MACROD2: variants seen among roughly 807,000 people sequenced by gnomAD.
The protein encoded by MACROD2 is mono-ADP ribosylhydrolase 2, also known as ADP-ribose glycohydrolase MACROD2.
MACROD2 carries 36 observed loss-of-function variants against 70.4 expected under a neutral mutation model. The ratio of observed to expected loss-of-function variants is 0.51; its 90% CI spans 0.39 to 0.68. The LOEUF (loss-of-function observed/expected upper bound fraction) is 0.68. MACROD2 is among the 30% of genes least tolerant of loss of function. The pLI, the probability that MACROD2 is intolerant of heterozygous loss-of-function variation, is 0.00. For synonymous variants in MACROD2, 172 were observed against 178.8 expected (o/e 0.96, Z 0.30); for missense variants, 496 against 538.4 (o/e 0.92, Z 0.78).
At chr20:14,700,522 G>GGTGTGTGTGT (rs149689043) in intron 5 of MACROD2, among the ~76,000 whole-genome samples, 3 of 111,376 alleles carry the variant, frequency 2.7e-5, no homozygotes, top group African/African-American at 9.6e-5. Flanking sequence ...GACATATGGT[G>GGTGTGTGTGT]GTGTGTGTGT....
intron 8 of MACROD2, among the ~76,000 whole-genome samples, chr20:15,753,202 C>T (rs6110769): frequency 6.6e-6 from 1 of 152,064 alleles, no homozygotes; most frequent in African/African-American, 2.4e-5. Context: ...ATGATGCTGA[C>T]GTCTGGGATA....
chr20:14,219,332 G>A (rs1258448836), intron 3 of MACROD2, among the ~76,000 whole-genome samples: 3 of 151,816 alleles, frequency 2.0e-5, no homozygotes, highest in African/African-American at 4.8e-5. Context: ...ATATTGCTGA[G>A]ACCTTCCAGA....
chr20:15,754,209 T>C (rs927930873), intron 8 of MACROD2, among the ~76,000 whole-genome samples: 3 of 152,264 alleles, frequency 2.0e-5, no homozygotes, highest in Admixed American at 2.0e-4. Flanking sequence ...TTTCTCTACA[T>C]GACTCCCAAC....
At chr20:15,268,502 A>C (rs980948186) in intron 6 of MACROD2, among the ~76,000 whole-genome samples, 1 of 152,146 alleles carries the variant, frequency 6.6e-6, no homozygotes, top group Non-Finnish European at 1.5e-5. Context: ...AATATTTTAA[A>C]AATTAGCCAG....
At chr20:14,706,279 A>G (rs905991686) in intron 5 of MACROD2, among the ~76,000 whole-genome samples, 1 of 151,540 alleles carries the variant, frequency 6.6e-6, no homozygotes, top group Middle Eastern at 3.4e-3. Flanking sequence ...ATGCCACTGC[A>G]CTCCAGCCTG....
Position 15,794,075 on chromosome 20 carries a change from C to T in MACROD2, c.646-68670C>T, listed in dbSNP as rs192250466. On this transcript the variant is annotated intron_variant, in intron 8 of 17. Transcript: ENST00000684519. ...TAAGATGACAGACAACATGGCAAAT[C>T]CTTAAGGAAGACTCCTGGCATTGGG... is the stretch of plus-strand genomic sequence containing the variant. 1.6e-3 allele frequency among the ~76,000 whole-genome samples: 249 copies of T among 151,764 alleles called. 1 individual carries two copies. The highest frequency in any genetic ancestry group is 5.6e-3 in the African/African-American group (233 of 41,474).
chr20:15,900,038 C>T (rs374902172), intron 10 of MACROD2, among the ~76,000 whole-genome samples: 1 of 152,030 alleles, frequency 6.6e-6, no homozygotes, highest in Non-Finnish European at 1.5e-5. Flanking sequence ...ATTAAAGTAT[C>T]GTGTGACATG....
chr20:14,842,842 A>G lies in MACROD2; in HGVS notation c.418+157883A>G, dbSNP rs1241708196. Among the ~76,000 whole-genome samples the G allele has an allele frequency of 3.3e-5, 5 of 152,136 alleles. No homozygotes were observed. The East Asian group carries it at 7.7e-4, about 23-fold the overall frequency. ...GTGAAACAACAGAGTCCAATATTCA[A>G]TCAGAAAAGAAAATGAACTCTAGGA... On this transcript the variant is annotated intron_variant, in intron 5 of 17. Transcript: ENST00000684519.
At chr20:15,499,681 T>G in intron 7 of MACROD2, 93 bp from the exon 8 acceptor site, 1 of 1,126,854 alleles carries the variant, frequency 8.9e-7, no homozygotes, top group Non-Finnish European at 1.3e-6. Context: ...TGAATGTTGT[T>G]TAAATGAGAA....
At chr20:15,346,875 A>G (rs888635301) in intron 6 of MACROD2, among the ~76,000 whole-genome samples, 3 of 152,250 alleles carry the variant, frequency 2.0e-5, no homozygotes, top group African/African-American at 7.2e-5. Flanking sequence ...GGAGATTCCA[A>G]TGGGAGTATA....
intron 5 of MACROD2, among the ~76,000 whole-genome samples, chr20:14,779,392 C>T (rs891340637): frequency 6.6e-6 from 1 of 152,076 alleles, no homozygotes; most frequent in Non-Finnish European, 1.5e-5. Context: ...GATATATTCA[C>T]GAGCTAATCA....
At chr20:15,932,415 T>C (rs2065594633) in intron 10 of MACROD2, among the ~76,000 whole-genome samples, 1 of 152,170 alleles carries the variant, frequency 6.6e-6, no homozygotes, top group South Asian at 2.1e-4. Flanking sequence ...TGGGCTCCAC[T>C]CCTTCAGAGA....
intron 5 of MACROD2, among the ~76,000 whole-genome samples, chr20:14,698,212 T>C (rs903481867): frequency 3.3e-5 from 5 of 152,172 alleles, no homozygotes; most frequent in African/African-American, 1.2e-4. Context: ...ATGGTTTTGG[T>C]CTTCCCGTCT....
rs113022657 is a variant in MACROD2 at position 14,987,848 on chromosome 20, G to GATAT, written c.419-242080_419-242077dup. 5.0e-4 allele frequency among the ~76,000 whole-genome samples: 76 copies of GATAT among 150,814 alleles called. 1 individual carries two copies. The highest frequency in any genetic ancestry group is 1.6e-3 in the African/African-American group (65 of 41,072). On this transcript the variant is annotated intron_variant, in intron 5 of 17. Transcript: ENST00000684519. ...GATTCATTCATATGTCAGGACTTAA[G>GATAT]ATATATATATATATAAGAAATCTCA...
At chr20:14,058,674 T>C (rs1454793658) in intron 2 of MACROD2, among the ~76,000 whole-genome samples, 1 of 148,358 alleles carries the variant, frequency 6.7e-6, no homozygotes, top group Non-Finnish European at 1.5e-5. Context: ...AGACAGAGTC[T>C]CGCTCTGTCA....
chr20:15,641,645 A>G (rs975316892), intron 8 of MACROD2, among the ~76,000 whole-genome samples: 10 of 152,178 alleles, frequency 6.6e-5, no homozygotes, highest in African/African-American at 2.4e-4. Context: ...TTTCATCCTA[A>G]CACACAAGCG....
chr20:14,556,895 A>G (rs1290601663), intron 4 of MACROD2, among the ~76,000 whole-genome samples: 1 of 152,036 alleles, frequency 6.6e-6, no homozygotes, highest in South Asian at 2.1e-4. Flanking sequence ...GATCTATGGA[A>G]ATGCAAGGGA....
chr20:15,614,724 C>T lies in MACROD2; in HGVS notation c.645+114877C>T, dbSNP rs985043853. ...AGTAGACATAAAGAATTGCAAAGCT[C>T]GAGGAGATTGATATATCTTAAAGAA... On this transcript the variant is annotated intron_variant, in intron 8 of 17. Coordinates refer to ENST00000684519, the MANE Select transcript of MACROD2 (RefSeq NM_001351661.2). 4.6e-5 allele frequency among the ~76,000 whole-genome samples: 7 copies of T among 152,028 alleles called. No individual in the cohort carries two copies. The East Asian group carries it at 7.7e-4, about 17-fold the overall frequency.
At chr20:14,666,053 G>A (rs13433376) in intron 4 of MACROD2, among the ~76,000 whole-genome samples, 1,587 of 152,164 alleles carry the variant, frequency 0.01, 26 homozygotes, top group African/African-American at 0.036. Context: ...CTACAGGGCC[G>A]AAATTAAAGC....
Sources: allele counts gnomAD v4.1 joint callset (sites outside exome capture counted in the v4.1 genomes callset), GRCh38; gene constraint gnomAD v4.1.1; transcripts MANE v1.5; gene names NCBI Gene and HGNC (gene_info 2026-07-23, HGNC 2026-07-21).